The following SORT1 variants were observed in gnomAD, a reference collection of about 807,000 sequenced individuals.
The protein encoded by SORT1 is sortilin 1, also known as sortilin.
SORT1 carries 39 observed loss-of-function variants against 101.7 expected under a neutral mutation model. The observed-to-expected ratio is 0.38, with a 90% confidence interval of 0.30 to 0.50. The LOEUF (loss-of-function observed/expected upper bound fraction) is 0.50, where lower values mean the gene tolerates loss of function less well. Ranked by LOEUF, SORT1 falls within the 20% of genes least tolerant of loss-of-function variation. The probability of loss-of-function intolerance (pLI) is 0.90; values close to 1 mark genes in which losing one functional copy is unlikely to be tolerated. For synonymous variants in SORT1, 396 were observed against 393.7 expected, an observed-to-expected ratio of 1.01 and a Z score of -0.07; for missense variants, 878 against 1,040.4, an observed-to-expected ratio of 0.84 and a Z score of 2.15.
chr1:109,328,834 C>T (rs1359506979), intron 11 of SORT1, among the ~76,000 whole-genome samples: 2 of 152,170 alleles, frequency 1.3e-5, no homozygotes, highest in African/African-American at 4.8e-5. Flanking sequence ...AACTTAAAGG[C>T]TCCAGGTCCA....
chr1:109,382,264 T>C (rs766637841), intron 1 of SORT1, among the ~76,000 whole-genome samples: 35 of 152,078 alleles, frequency 2.3e-4, no homozygotes, highest in Non-Finnish European at 4.0e-4. Context: ...GCCTTCCCAG[T>C]AGCTAAGATT....
chr1:109,382,492 A>C (rs1652305924), intron 1 of SORT1, among the ~76,000 whole-genome samples: 1 of 152,202 alleles, frequency 6.6e-6, no homozygotes. Context: ...CCAGAAGGTT[A>C]CAGGATAGGT....
At chr1:109,316,786 T>C in intron 17 of SORT1, 64 bp downstream of exon 17, 1 of 1,064,722 alleles carries the variant, frequency 9.4e-7, no homozygotes, top group East Asian at 2.4e-5. Context: ...GCTTTAACTT[T>C]GATTTTTCTT....
At position 109,378,674 on chromosome 1, in the gene SORT1, C is replaced by A. The variant is rs1345115230; in HGVS notation, c.307-9085G>T. On this transcript the variant is annotated intron_variant, in intron 1 of 19. Transcript: ENST00000256637. ...AACATCTAGTACTATGTTAGAGAGT[C>A]CAGCCAACAGAAGGTAGAGTGAATG... Among the ~76,000 whole-genome samples the A allele has an allele frequency of 1.3e-4, 14 of 109,428 alleles. 1 individual carries two copies. The highest frequency in any genetic ancestry group is 3.9e-4 in the African/African-American group (11 of 28,006). 71.8% of individuals were successfully genotyped at this position (109,428 alleles called of 152,430 possible).
At chr1:109,392,199 CG>C (rs1553201734) in intron 1 of SORT1, among the ~76,000 whole-genome samples, 1 of 152,106 alleles carries the variant, frequency 6.6e-6, no homozygotes, top group Non-Finnish European at 1.5e-5. Context: ...GTTACTCCCC[CG>C]TCCTGACCAT....
intron 14 of SORT1, among the ~76,000 whole-genome samples, chr1:109,323,649 T>C (rs956038227): frequency 2.6e-5 from 4 of 152,226 alleles, no homozygotes; most frequent in African/African-American, 9.6e-5. Flanking sequence ...CTCAAATGCA[T>C]ATTGCTGATA....
At chr1:109,314,909 T>C in intron 17 of SORT1, 131 bp from the exon 18 acceptor site, 1 of 567,328 alleles carries the variant, frequency 1.8e-6, no homozygotes, top group East Asian at 3.1e-5. Context: ...TGATGGCTCT[T>C]TTCCAACCCC....
chr1:109,326,830 C>T (rs1648112440), intron 13 of SORT1, 162 bp downstream of exon 13: 1 of 509,924 alleles, frequency 2.0e-6, no homozygotes, highest in East Asian at 3.1e-5. Context: ...GCCATTTAAT[C>T]TGAGTTGCCA....
chr1:109,316,521 T>C (rs1003851471), intron 17 of SORT1, among the ~76,000 whole-genome samples: 4 of 152,212 alleles, frequency 2.6e-5, no homozygotes, highest in Non-Finnish European at 5.9e-5. Flanking sequence ...TGTGAGCCAC[T>C]GTACCCAGCC....
At chr1:109,348,327 TA>T (rs1251066973) in intron 6 of SORT1, among the ~76,000 whole-genome samples, 1 of 150,696 alleles carries the variant, frequency 6.6e-6, no homozygotes, top group East Asian at 2.0e-4. Flanking sequence ...TGTAAATTCC[TA>T]GAAACTAGAG....
intron 1 of SORT1, among the ~76,000 whole-genome samples, chr1:109,383,388 C>T (rs1652380987): frequency 6.6e-6 from 1 of 152,188 alleles, no homozygotes; most frequent in South Asian, 2.1e-4. Flanking sequence ...TATAACCTAT[C>T]AACAGGCATC....
intron 1 of SORT1, among the ~76,000 whole-genome samples, chr1:109,379,914 C>T (rs1285911721): frequency 1.3e-5 from 2 of 152,096 alleles, no homozygotes; most frequent in African/African-American, 4.8e-5. Flanking sequence ...TCCTAACTCC[C>T]TTCTTAAAAT....
In SORT1 at chr1:109,325,107, G is replaced by A; in HGVS notation, c.1644-18C>T. 6.4e-7 allele frequency: 1 copy of A among 1,570,840 alleles called. No homozygotes were observed. The highest frequency in any genetic ancestry group is 8.7e-7 in the Non-Finnish European group (1 of 1,147,572). On this transcript the variant is annotated intron_variant, in intron 13 of 19. Transcript: ENST00000256637. ...TGGAGAACCTGAAACCACAATTACAGAAAGATCATGACAGAGGATCAATGT... is the reference window on the plus strand; with the variant it reads ...TGGAGAACCTGAAACCACAATTACAAAAAGATCATGACAGAGGATCAATGT...
At chr1:109,395,774 G>A (rs1653150374) in intron 1 of SORT1, among the ~76,000 whole-genome samples, 1 of 152,052 alleles carries the variant, frequency 6.6e-6, no homozygotes, top group Non-Finnish European at 1.5e-5. Flanking sequence ...GGAAGACTCT[G>A]ACTCAAGGAA....
At position 109,317,869 on chromosome 1, in the gene SORT1, GTTC is replaced by G. The variant is rs761669018; in HGVS notation, c.2122_2124del (p.Glu708del). Reference sequence around the variant, plus strand: ...CCACCTCACCCATTTGTTGTTAGGTGTTCTTCTCTTCCGTACAGACAAAACTCC... The same window carrying G: ...CCACCTCACCCATTTGTTGTTAGGTGTTCTCTTCCGTACAGACAAAACTCC... On this transcript the variant is annotated inframe_deletion, in exon 16 of 20. Coordinates refer to ENST00000256637, the MANE Select transcript of SORT1 (RefSeq NM_002959.7). The G allele has an allele frequency of 6.2e-7, 1 of 1,610,988 alleles. No homozygotes were observed. Among genetic ancestry groups the G allele is most frequent in the South Asian group, 1.1e-5 (1 of 91,014 alleles).
intron 1 of SORT1, among the ~76,000 whole-genome samples, chr1:109,388,544 G>C (rs1652719370): frequency 6.6e-6 from 1 of 152,114 alleles, no homozygotes; most frequent in Non-Finnish European, 1.5e-5. Context: ...CTTAGCCAGG[G>C]CTAATATGTC....
At chr1:109,331,101 C>G (rs1262431660) in intron 11 of SORT1, among the ~76,000 whole-genome samples, 1 of 152,158 alleles carries the variant, frequency 6.6e-6, no homozygotes, top group African/African-American at 2.4e-5. Context: ...GAATGGAACA[C>G]TTCCAAACTC....
intron 1 of SORT1, among the ~76,000 whole-genome samples, chr1:109,390,769 GTA>G (rs1159021413): frequency 4.1e-4 from 58 of 139,786 alleles, no homozygotes; most frequent in African/African-American, 1.0e-3. Context: ...GTGTGTGTGT[GTA>G]TGTGTGTGTG....
chr1:109,335,938 G>A (rs1233891224), intron 11 of SORT1, among the ~76,000 whole-genome samples: 1 of 152,230 alleles, frequency 6.6e-6, no homozygotes, highest in African/African-American at 2.4e-5. Context: ...CAGCTGCCAA[G>A]CTGACCCCTA....
Sources: allele counts gnomAD v4.1 joint callset (sites outside exome capture counted in the v4.1 genomes callset), GRCh38; gene constraint gnomAD v4.1.1; transcripts MANE v1.5; gene names NCBI Gene and HGNC (gene_info 2026-07-23, HGNC 2026-07-21).